CFAP61: variants seen among roughly 807,000 people sequenced by gnomAD.
CFAP61 encodes the protein cilia- and flagella-associated protein 61.
Under a neutral mutation model 135.6 loss-of-function variants are expected in CFAP61, and 107 were observed. That is an observed-to-expected ratio of 0.79 (90% CI 0.67 to 0.93). The LOEUF is 0.93. Ranked by LOEUF, CFAP61 falls within the 40% of genes least tolerant of loss-of-function variation. The pLI is 0.00. For missense variants in CFAP61, 1,507 were observed against 1,556.2 expected (o/e 0.97, Z 0.53); for synonymous variants, 575 against 578.5 (o/e 0.99, Z 0.09).
chr20:20,290,339 C>T lies in CFAP61; in HGVS notation c.3164C>T (p.Ala1055Val), dbSNP rs377695788. The change falls in exon 24 of 27, where the codon GCC becomes GTC. Residue 1055 changes from alanine to valine, a missense_variant. Transcript: ENST00000245957. ...GGGTCTTACCATTATCTGCATATTG[C>T]CAAGCCTGCCATTCCAACTCCCTTG... is the stretch of plus-strand genomic sequence containing the variant. ...LPGSYHYLHI[A>V]KPAIPTPLEV... 4 of 1,613,352 alleles carry T rather than the reference C, an allele frequency of 2.5e-6. No individual in the cohort carries two copies. The highest frequency in any genetic ancestry group is 2.2e-5 in the East Asian group (1 of 44,900).
chr20:20,142,944 T>A lies in CFAP61; in HGVS notation c.947T>A (p.Ile316Asn), dbSNP rs1479219829. 5 of 1,578,322 alleles carry A rather than the reference T, an allele frequency of 3.2e-6. No homozygotes were observed. Among genetic ancestry groups the A allele is most frequent in the South Asian group, 2.3e-5 (2 of 86,458 alleles). ...EPVSPDTMENIQGNIAREAAS... is the reference protein window; with the variant it reads ...EPVSPDTMENNQGNIAREAAS... ...GTCTCTCCAGATACCATGGAAAACA[T>A]CCAGGTGAGAGAGACTATCCCTCCA... The change falls in exon 9 of 27, where the codon ATC becomes AAC. Residue 316 changes from isoleucine (I) to asparagine (N), a missense_variant. Transcript: ENST00000245957.
At position 20,355,101 on chromosome 20, in the gene CFAP61, GTGTGAGGGGAGGTGGTCACAC is replaced by G. The variant is rs1395644300; in HGVS notation, c.3514-5088_3514-5068del. On this transcript the variant is annotated intron_variant, in intron 26 of 26. Transcript: ENST00000245957. ...CTGTGAGAGGGAAGGTGGTCACACT[GTGTGAGGGGAGGTGGTCACAC>G]TGTGAGGGGAGGTGGTCACATTGTG... Among the ~76,000 whole-genome samples, 13 of 144,466 alleles carry G rather than the reference GTGTGAGGGGAGGTGGTCACAC, an allele frequency of 9.0e-5. No homozygotes were observed. In the South Asian group the frequency reaches 2.1e-3, roughly 23 times the overall value. 94.8% of individuals were successfully genotyped at this position (144,466 alleles called of 152,430 possible).
intron 26 of CFAP61, among the ~76,000 whole-genome samples, chr20:20,351,818 C>G (rs1407626136): frequency 6.6e-6 from 1 of 151,886 alleles, no homozygotes; most frequent in Non-Finnish European, 1.5e-5. Flanking sequence ...CCATACTAAC[C>G]AAAGCAATCT....
intron 7 of CFAP61, among the ~76,000 whole-genome samples, chr20:20,093,832 A>G (rs911799226): frequency 1.3e-5 from 2 of 151,978 alleles, no homozygotes; most frequent in African/African-American, 2.4e-5. Context: ...AATTAAGTCA[A>G]TCTTTTGGGG....
intron 3 of CFAP61, among the ~76,000 whole-genome samples, chr20:20,072,916 GTTTATC>G (rs1169947034): frequency 5.3e-5 from 8 of 152,138 alleles, no homozygotes; most frequent in Admixed American, 1.3e-4. Context: ...TAATTCACCT[GTTTATC>G]TTTATTCTTT....
intron 13 of CFAP61, among the ~76,000 whole-genome samples, chr20:20,179,548 A>T (rs1425202459): frequency 6.6e-6 from 1 of 152,220 alleles, no homozygotes; most frequent in East Asian, 1.9e-4. Flanking sequence ...ATTCATATGG[A>T]CCCGAGAAAG....
In CFAP61 at chr20:20,164,178, A is replaced by G. The variant is rs770988115; in HGVS notation, c.1155A>G (p.Ser385=). The G allele has an allele frequency of 6.2e-6, 10 of 1,614,086 alleles. No homozygotes were observed. In the East Asian group the frequency reaches 1.8e-4, roughly 29 times the overall value. ...VHFRPIYRGA[S]AAFCIQLFCI... The stretch of plus-strand genomic sequence containing the variant: ...TCCGCCCCATCTACAGGGGAGCCTC[A>G]GCTGCTTTTTGTATTCAGCTGTTTT... The change falls in exon 11 of 27, where the codon TCA becomes TCG. Residue 385 remains serine, a synonymous_variant. Transcript: ENST00000245957.
intron 26 of CFAP61, among the ~76,000 whole-genome samples, chr20:20,357,044 GGTGGTCACACTGAGGGGAA>G (rs1390305960): frequency 3.3e-5 from 4 of 121,382 alleles, no homozygotes; most frequent in African/African-American, 1.3e-4. Context: ...ACTGAGAGGA[GGTGGTCACACTGAGGGGAA>G]GTGGTCACAC....
At chr20:20,153,750 G>A (rs2052645923) in intron 9 of CFAP61, among the ~76,000 whole-genome samples, 1 of 152,104 alleles carries the variant, frequency 6.6e-6, no homozygotes, top group Non-Finnish European at 1.5e-5. Flanking sequence ...TCCAGGACCA[G>A]ATGAATTCAC....
chr20:20,098,233 G>A (rs2047728730), intron 7 of CFAP61, among the ~76,000 whole-genome samples: 1 of 152,134 alleles, frequency 6.6e-6, no homozygotes, highest in African/African-American at 2.4e-5. Context: ...AAATCTCAAG[G>A]TGACTGCCAA....
At chr20:20,312,310 G>A (rs1234767633) in intron 25 of CFAP61, among the ~76,000 whole-genome samples, 1 of 152,092 alleles carries the variant, frequency 6.6e-6, no homozygotes, top group Non-Finnish European at 1.5e-5. Flanking sequence ...TTAAGATGTG[G>A]AAAACACATA....
chr20:20,182,158 A>G (rs1440157532), intron 13 of CFAP61, among the ~76,000 whole-genome samples: 2 of 152,202 alleles, frequency 1.3e-5, no homozygotes, highest in African/African-American at 4.8e-5. Context: ...GAATACTCTA[A>G]ATCTCTATGA....
intron 18 of CFAP61, among the ~76,000 whole-genome samples, chr20:20,235,933 T>C (rs1467633168): frequency 6.6e-6 from 1 of 152,168 alleles, no homozygotes; most frequent in Non-Finnish European, 1.5e-5. Context: ...GCAGATGGCT[T>C]CTGGAGACCA....
chr20:20,358,767 A>G (rs1159513138), intron 26 of CFAP61, among the ~76,000 whole-genome samples: 1 of 152,212 alleles, frequency 6.6e-6, no homozygotes, highest in East Asian at 1.9e-4. Flanking sequence ...TTATGCCTCC[A>G]TATAGCTTGA....
At chr20:20,330,264 T>C (rs1183916242) in intron 25 of CFAP61, among the ~76,000 whole-genome samples, 4 of 152,214 alleles carry the variant, frequency 2.6e-5, no homozygotes. Context: ...TTTTACATTT[T>C]TGTTGCATTA....
At chr20:20,219,632 T>G (rs1420084552) in intron 17 of CFAP61, among the ~76,000 whole-genome samples, 1 of 152,202 alleles carries the variant, frequency 6.6e-6, no homozygotes, top group Non-Finnish European at 1.5e-5. Flanking sequence ...AACCTTCCCC[T>G]TACTGTTTTT....
chr20:20,161,310 G>T (rs1239908358), intron 10 of CFAP61, among the ~76,000 whole-genome samples: 1 of 152,152 alleles, frequency 6.6e-6, no homozygotes, highest in African/African-American at 2.4e-5. Flanking sequence ...AACCCCAGAA[G>T]ACACCTGAGT....
chr20:20,166,376 T>C (rs746411173), intron 11 of CFAP61, 21 bp from the exon 12 acceptor site: 17 of 1,611,414 alleles, frequency 1.1e-5, no homozygotes, highest in Admixed American at 1.7e-5. Context: ...GCACTGACAG[T>C]GCTTACTGTC....
rs2045994635 is a variant in CFAP61 at position 20,075,616 on chromosome 20, G to A, written c.566+1G>A. The A allele has an allele frequency of 2.0e-5, 32 of 1,613,912 alleles. No homozygotes were observed. The highest frequency in any genetic ancestry group is 2.6e-5 in the Non-Finnish European group (31 of 1,179,936). ...CTCAGCTGCACGTTCGCAAAGCCAG[G>A]TACAGTTGGAGTCATGCCTTGTGTG... On this transcript the variant is annotated splice_donor_variant, in intron 6 of 26. Transcript: ENST00000245957. LOFTEE classifies it high-confidence loss of function.
Sources: allele counts gnomAD v4.1 joint callset (sites outside exome capture counted in the v4.1 genomes callset), GRCh38; gene constraint gnomAD v4.1.1; transcripts MANE v1.5; gene names NCBI Gene and HGNC (gene_info 2026-07-23, HGNC 2026-07-21).